SDK1: variants seen among roughly 807,000 people sequenced by gnomAD.
SDK1 encodes protein sidekick-1.
SDK1 carries 157 observed loss-of-function variants against 245.5 expected under a neutral mutation model. The ratio of observed to expected loss-of-function variants is 0.64; its 90% CI spans 0.56 to 0.73. The LOEUF (loss-of-function observed/expected upper bound fraction) is 0.73, where lower values mean the gene tolerates loss of function less well. Ranked by LOEUF, SDK1 falls within the 30% of genes least tolerant of loss-of-function variation. The pLI, the probability that SDK1 is intolerant of heterozygous loss-of-function variation, is 0.00. For missense variants in SDK1, 3,583 were observed against 3,002.3 expected (o/e 1.19, Z -4.52); for synonymous variants, 1,647 against 1,278.5 (o/e 1.29, Z -6.15).
At chr7:3,810,322 G>A (rs1779354328) in intron 4 of SDK1, among the ~76,000 whole-genome samples, 1 of 151,706 alleles carries the variant, frequency 6.6e-6, no homozygotes, top group African/African-American at 2.4e-5. Flanking sequence ...CGCACATTTT[G>A]TTTAAATCAT....
intron 4 of SDK1, among the ~76,000 whole-genome samples, chr7:3,707,418 T>G (rs1784921457): frequency 6.6e-6 from 1 of 152,244 alleles, no homozygotes; most frequent in Non-Finnish European, 1.5e-5. Context: ...AGAAAATACT[T>G]GAAGTGATTT....
intron 5 of SDK1, among the ~76,000 whole-genome samples, chr7:3,906,617 C>CTTTTTTTTTTT (rs71032914): frequency 1.7e-5 from 1 of 57,192 alleles, no homozygotes; most frequent in Non-Finnish European, 3.1e-5. Context: ...ATTTCAGTGT[C>CTTTTTTTTTTT]TTTTTTTTTT....
In SDK1 at chr7:3,782,248, G is replaced by A. The variant is rs73306146; in HGVS notation, c.714-39202G>A. Among the ~76,000 whole-genome samples the A allele has an allele frequency of 1.0e-2, 1,518 of 152,278 alleles. 23 individuals are homozygous for A. Among genetic ancestry groups the A allele is most frequent in the African/African-American group, 0.035 (1,438 of 41,548 alleles). ...GAAGCACTTGTCTCACATCGCTAGA[G>A]CAGGAACAAGAGGTGATGGGAAAAG... On this transcript the variant is annotated intron_variant, in intron 4 of 44. Transcript: ENST00000404826.
rs377665418 is a variant in SDK1, at chr7:3,969,448, G to A, written c.1714+24G>A. The A allele has an allele frequency of 4.0e-5, 60 of 1,500,234 alleles. 1 individual carries two copies. The African/African-American group carries it at 6.7e-4, about 17-fold the overall frequency. 92.9% of individuals were successfully genotyped at this position (1,500,234 alleles called of 1,614,324 possible). On this transcript the variant is annotated intron_variant, in intron 11 of 44. Coordinates refer to ENST00000404826, the MANE Select transcript of SDK1 (RefSeq NM_152744.4). ...GAGTAAGGAGCAGCCCTCGCACGTC[G>A]GCCTTCTGTTAGCCACGGTTTAATC...
At chr7:3,803,392 C>T (rs1205084168) in intron 4 of SDK1, among the ~76,000 whole-genome samples, 1 of 151,156 alleles carries the variant, frequency 6.6e-6, no homozygotes, top group Non-Finnish European at 1.5e-5. Flanking sequence ...CTCACTGCAA[C>T]CTCCACCTCT....
intron 19 of SDK1, among the ~76,000 whole-genome samples, chr7:4,062,953 C>G (rs1363489575): frequency 1.3e-5 from 2 of 152,104 alleles, no homozygotes; most frequent in African/African-American, 2.4e-5. Context: ...TAGAAACATA[C>G]CTCAGTATGA....
Position 4,245,810 on chromosome 7 carries a change from G to T in SDK1, c.6381+5G>T. The T allele has an allele frequency of 1.2e-6, 2 of 1,613,766 alleles. No individual in the cohort carries two copies. ...GCAGATGCATCAGAATCTGAGGTCA[G>T]TGTCGGTGCCTACTTCCGGGCAGTG... On this transcript the variant is annotated splice_donor_5th_base_variant and intron_variant, in intron 44 of 44. Transcript: ENST00000404826.
chr7:4,066,106 C>T (rs968875595), intron 19 of SDK1, among the ~76,000 whole-genome samples: 17 of 152,166 alleles, frequency 1.1e-4, no homozygotes, highest in Admixed American at 5.9e-4. Flanking sequence ...CATACAGAAA[C>T]TGACGGATGT....
intron 35 of SDK1, among the ~76,000 whole-genome samples, chr7:4,201,979 C>T (rs1783912980): frequency 6.6e-6 from 1 of 152,190 alleles, no homozygotes; most frequent in Non-Finnish European, 1.5e-5. Flanking sequence ...GTGTTCCCAC[C>T]CTTCTACTCT....
At chr7:4,134,270 G>A (rs1321970117) in intron 28 of SDK1, among the ~76,000 whole-genome samples, 1 of 152,214 alleles carries the variant, frequency 6.6e-6, no homozygotes, top group Non-Finnish European at 1.5e-5. Flanking sequence ...TCTCAATCAG[G>A]TGACCTTTGG....
At chr7:3,447,805 A>C (rs1176936665) in intron 1 of SDK1, among the ~76,000 whole-genome samples, 1 of 149,800 alleles carries the variant, frequency 6.7e-6, no homozygotes, top group Non-Finnish European at 1.5e-5. Context: ...CCCGGGTTCA[A>C]GTGATTCTCC....
intron 1 of SDK1, among the ~76,000 whole-genome samples, chr7:3,453,119 T>G (rs1368642407): frequency 6.6e-6 from 1 of 152,062 alleles, no homozygotes; most frequent in Non-Finnish European, 1.5e-5. Context: ...TCTAGAACTT[T>G]GAGCAGTTTA....
intron 1 of SDK1, among the ~76,000 whole-genome samples, chr7:3,366,753 T>C (rs1477835862): frequency 2.6e-5 from 4 of 151,070 alleles, no homozygotes; most frequent in African/African-American, 9.9e-5. Context: ...TATTTATTTA[T>C]TTATTTTGAG....
chr7:4,185,701 C>T (rs1782848615), intron 35 of SDK1, among the ~76,000 whole-genome samples: 3 of 152,208 alleles, frequency 2.0e-5, no homozygotes, highest in African/African-American at 7.2e-5. Context: ...GCATATCCAC[C>T]TGAGGACAGG....
chr7:3,641,428 T>C (rs1318418588), intron 3 of SDK1, among the ~76,000 whole-genome samples: 2 of 152,092 alleles, frequency 1.3e-5, no homozygotes, highest in African/African-American at 4.8e-5. Flanking sequence ...GTCAACAGTA[T>C]GAGAGTGGGA....
intron 4 of SDK1, among the ~76,000 whole-genome samples, chr7:3,751,205 C>A (rs1278833907): frequency 1.3e-5 from 2 of 152,170 alleles, no homozygotes; most frequent in Non-Finnish European, 2.9e-5. Flanking sequence ...ATAAAACTGA[C>A]ATTTTAGCCT....
chr7:3,549,237 C>G (rs1170063483), intron 1 of SDK1, among the ~76,000 whole-genome samples: 1 of 152,194 alleles, frequency 6.6e-6, no homozygotes, highest in Non-Finnish European at 1.5e-5. Context: ...AATGTGATCT[C>G]TATGAGTTAT....
At position 3,523,651 on chromosome 7, in the gene SDK1, A is replaced by G. The variant is rs1783020140; in HGVS notation, c.299-95429A>G. On this transcript the variant is annotated intron_variant, in intron 1 of 44. Transcript: ENST00000404826. ...TGTGATACCTCAATGGGCATAGTCT[A>G]CCAGAATGAGTGCAGGATGGGGAAG... 3.3e-5 allele frequency among the ~76,000 whole-genome samples: 5 copies of G among 152,276 alleles called. No homozygotes were observed. In the East Asian group the frequency reaches 5.8e-4, roughly 18 times the overall value.
intron 1 of SDK1, among the ~76,000 whole-genome samples, chr7:3,578,751 C>G (rs1479206900): frequency 6.6e-6 from 1 of 151,814 alleles, no homozygotes; most frequent in Non-Finnish European, 1.5e-5. Flanking sequence ...CTCTTTTTGC[C>G]TCACCCCACA....
Sources: allele counts gnomAD v4.1 joint callset (sites outside exome capture counted in the v4.1 genomes callset), GRCh38; gene constraint gnomAD v4.1.1; transcripts MANE v1.5; gene names NCBI Gene and HGNC (gene_info 2026-07-23, HGNC 2026-07-21).